The following PTPRD variants were observed in gnomAD, a reference collection of about 807,000 sequenced individuals.
PTPRD encodes protein tyrosine phosphatase receptor type D, also known as receptor-type tyrosine-protein phosphatase delta.
PTPRD carries 34 observed loss-of-function variants against 214.5 expected under a neutral mutation model. The ratio of observed to expected loss-of-function variants is 0.16; its 90% CI spans 0.12 to 0.21. The LOEUF is 0.21. PTPRD is among the 10% of genes least tolerant of loss of function. The probability of loss-of-function intolerance (pLI) is 1.00; values close to 1 mark genes in which losing one functional copy is unlikely to be tolerated. For missense variants in PTPRD, 2,545 were observed against 2,398.7 expected (o/e 1.06, Z -1.27); for synonymous variants, 1,128 against 845.7 (o/e 1.33, Z -5.79).
In PTPRD at chr9:10,202,662, A is replaced by C. The variant is rs529832031; in HGVS notation, c.-545+138301T>G. ...TAGCACCTGGATGCCTACTTATAAA[A>C]ATTATATGGATATATATATATATAT... On this transcript the variant is annotated intron_variant, in intron 3 of 45. Transcript: ENST00000381196. Among the ~76,000 whole-genome samples the C allele has an allele frequency of 4.3e-3, 525 of 123,514 alleles. 6 individuals carry two copies. The highest frequency in any genetic ancestry group is 0.016 in the African/African-American group (496 of 30,588). The allele number at this position is 123,514 out of a possible 152,430, so 81.0% of individuals were successfully genotyped here.
At chr9:8,548,085 G>A (rs1354858421) in intron 14 of PTPRD, among the ~76,000 whole-genome samples, 1 of 152,130 alleles carries the variant, frequency 6.6e-6, no homozygotes, top group African/African-American at 2.4e-5. Flanking sequence ...GACCAGAGAA[G>A]GTAGATCTAA....
At chr9:9,264,250 T>C (rs7469266) in intron 9 of PTPRD, among the ~76,000 whole-genome samples, 18,825 of 151,514 alleles carry the variant, frequency 0.12, 1,190 homozygotes, top group Middle Eastern at 0.27. Flanking sequence ...TTCAAAATAA[T>C]TGTTTTAAGG....
At chr9:10,132,702 A>G (rs112459876) in intron 3 of PTPRD, among the ~76,000 whole-genome samples, 2,280 of 152,312 alleles carry the variant, frequency 0.015, 40 homozygotes, top group Middle Eastern at 0.031. Context: ...AGATCAGGTA[A>G]GTGGAAGCCC....
At chr9:8,910,864 T>C (rs962544424) in intron 11 of PTPRD, among the ~76,000 whole-genome samples, 1 of 152,184 alleles carries the variant, frequency 6.6e-6, no homozygotes, top group Non-Finnish European at 1.5e-5. Flanking sequence ...CATAATAGGA[T>C]AAAAACACTC....
intron 4 of PTPRD, among the ~76,000 whole-genome samples, chr9:9,987,508 C>T (rs1158566487): frequency 6.6e-6 from 1 of 152,138 alleles, no homozygotes; most frequent in Admixed American, 6.5e-5. Flanking sequence ...ACCATCCAAT[C>T]TCATGAGACC....
chr9:10,466,598 G>A (rs1332106532), intron 2 of PTPRD, among the ~76,000 whole-genome samples: 3 of 125,520 alleles, frequency 2.4e-5, no homozygotes, highest in African/African-American at 9.5e-5. Flanking sequence ...ACTCCAGCCT[G>A]GGCAACAAGA....
intron 6 of PTPRD, among the ~76,000 whole-genome samples, chr9:9,762,983 T>C (rs1597117656): frequency 1.3e-5 from 2 of 152,208 alleles, no homozygotes; most frequent in South Asian, 2.1e-4. Context: ...TTGTTGGTGG[T>C]TGCCATCTTG....
At chr9:8,401,985 T>C (rs1298761951) in intron 36 of PTPRD, among the ~76,000 whole-genome samples, 1 of 152,204 alleles carries the variant, frequency 6.6e-6, no homozygotes, top group Non-Finnish European at 1.5e-5. Flanking sequence ...ATCAAAGCTG[T>C]CTTTAGAGGA....
At chr9:9,447,718 A>T (rs924046423) in intron 8 of PTPRD, among the ~76,000 whole-genome samples, 4 of 152,144 alleles carry the variant, frequency 2.6e-5, no homozygotes, top group African/African-American at 4.8e-5. Context: ...CCTTAATAAA[A>T]CATGTGTCAT....
chr9:9,336,764 C>T lies in PTPRD; in HGVS notation c.-203+60685G>A, dbSNP rs143042075. Among the ~76,000 whole-genome samples the T allele has an allele frequency of 4.0e-3, 602 of 152,098 alleles. 8 individuals are homozygous for T. Among genetic ancestry groups the T allele is most frequent in the Middle Eastern group, 0.024 (7 of 294 alleles). ...TTAAAGTAAGCTCACTTTTAAAACG[C>T]CCTTGAAATTTATACTTTAATAATT... On this transcript the variant is annotated intron_variant, in intron 9 of 45. Transcript: ENST00000381196.
At chr9:9,749,223 G>C (rs1046716669) in intron 6 of PTPRD, among the ~76,000 whole-genome samples, 1 of 152,150 alleles carries the variant, frequency 6.6e-6, no homozygotes, top group Non-Finnish European at 1.5e-5. Context: ...GTCATGTGAT[G>C]ATCAGGGAGG....
chr9:9,644,665 C>T (rs2096084871), intron 7 of PTPRD, among the ~76,000 whole-genome samples: 1 of 152,052 alleles, frequency 6.6e-6, no homozygotes, highest in Non-Finnish European at 1.5e-5. Flanking sequence ...AACTATGGCC[C>T]CTAAATGAGA....
intron 2 of PTPRD, among the ~76,000 whole-genome samples, chr9:10,606,919 T>C (rs1245884470): frequency 1.3e-5 from 2 of 151,912 alleles, no homozygotes; most frequent in East Asian, 1.9e-4. Context: ...ATTACGTAAA[T>C]ATTTGCAAAC....
chr9:8,598,438 G>A (rs1033678695), intron 14 of PTPRD, among the ~76,000 whole-genome samples: 9 of 151,634 alleles, frequency 5.9e-5, no homozygotes, highest in Non-Finnish European at 1.0e-4. Context: ...TCCAGCCTAG[G>A]CAACAGAACA....
chr9:8,933,353 T>G (rs1309807511), intron 11 of PTPRD, among the ~76,000 whole-genome samples: 1 of 147,172 alleles, frequency 6.8e-6, no homozygotes, highest in African/African-American at 2.5e-5. Context: ...TTTTTTTTTT[T>G]TTTTTTTTTT....
At chr9:9,733,788 A>C (rs755736807) in intron 7 of PTPRD, among the ~76,000 whole-genome samples, 3 of 152,184 alleles carry the variant, frequency 2.0e-5, no homozygotes, top group Non-Finnish European at 4.4e-5. Flanking sequence ...CATAGTATTA[A>C]ATGAGATAAA....
At chr9:10,470,920 C>T (rs534265523) in intron 2 of PTPRD, among the ~76,000 whole-genome samples, 2 of 152,174 alleles carry the variant, frequency 1.3e-5, no homozygotes, top group African/African-American at 2.4e-5. Flanking sequence ...CAATGAGAAA[C>T]TGGATAAAGA....
At chr9:10,031,563 G>C (rs990305712) in intron 4 of PTPRD, among the ~76,000 whole-genome samples, 2 of 148,578 alleles carry the variant, frequency 1.3e-5, no homozygotes. Context: ...TCCTCCTCAA[G>C]CTTGCAGACA....
intron 2 of PTPRD, among the ~76,000 whole-genome samples, chr9:10,435,163 CA>C (rs1388747979): frequency 1.3e-5 from 2 of 151,836 alleles, no homozygotes; most frequent in Non-Finnish European, 1.5e-5. Flanking sequence ...ACTATTTGAG[CA>C]AAGTTCAAAA....
Sources: allele counts gnomAD v4.1 joint callset (sites outside exome capture counted in the v4.1 genomes callset), GRCh38; gene constraint gnomAD v4.1.1; transcripts MANE v1.5; gene names NCBI Gene and HGNC (gene_info 2026-07-23, HGNC 2026-07-21).